KATNAL1: variants seen among roughly 807,000 people sequenced by gnomAD.
The protein encoded by KATNAL1 is katanin p60 ATPase-containing subunit A-like 1.
In KATNAL1, 32 loss-of-function variants were observed where a neutral mutation model predicts 55.2. That is an observed-to-expected ratio of 0.58 (90% CI 0.44 to 0.78). The LOEUF (loss-of-function observed/expected upper bound fraction) is 0.78, where lower values mean the gene tolerates loss of function less well. Ranked by LOEUF, KATNAL1 falls within the 30% of genes least tolerant of loss-of-function variation. The pLI is 0.00. For synonymous variants in KATNAL1, 193 were observed against 193.6 expected (o/e 1.00, Z 0.02); for missense variants, 466 against 600.9 (o/e 0.78, Z 2.35).
At chr13:30,220,737 C>T (rs28442163) in intron 9 of KATNAL1, among the ~76,000 whole-genome samples, 1 of 151,850 alleles carries the variant, frequency 6.6e-6, no homozygotes, top group African/African-American at 2.4e-5. Flanking sequence ...CTCACTCTGT[C>T]ACCCAGGCTG....
chr13:30,216,033 C>T (rs1370509484), intron 9 of KATNAL1, among the ~76,000 whole-genome samples: 1 of 152,092 alleles, frequency 6.6e-6, no homozygotes. Context: ...GAATACCACA[C>T]AGTAACAAAA....
intron 6 of KATNAL1, among the ~76,000 whole-genome samples, chr13:30,236,097 C>T (rs1171493487): frequency 6.6e-6 from 1 of 152,172 alleles, no homozygotes; most frequent in Non-Finnish European, 1.5e-5. Context: ...GTCTTGTTGT[C>T]TCTGGGGCAG....
At chr13:30,263,936 G>T (rs1298252155) in intron 3 of KATNAL1, among the ~76,000 whole-genome samples, 5 of 150,410 alleles carry the variant, frequency 3.3e-5, no homozygotes, top group African/African-American at 1.2e-4. Context: ...TAAGCCAAAA[G>T]AACAAAGCTG....
At chr13:30,287,115 T>C (rs904653004) in intron 1 of KATNAL1, among the ~76,000 whole-genome samples, 1 of 152,216 alleles carries the variant, frequency 6.6e-6, no homozygotes, top group East Asian at 1.9e-4. Context: ...TTTGGACTTT[T>C]GAGTCTGGAA....
At chr13:30,261,283 A>G (rs2137477777) in intron 3 of KATNAL1, among the ~76,000 whole-genome samples, 1 of 152,248 alleles carries the variant, frequency 6.6e-6, no homozygotes, top group Non-Finnish European at 1.5e-5. Flanking sequence ...TGTAAAGACC[A>G]TCGAGACTAG....
chr13:30,271,896 AAAAAC>A (rs1880403893), intron 3 of KATNAL1, among the ~76,000 whole-genome samples: 1 of 151,510 alleles, frequency 6.6e-6, no homozygotes, highest in South Asian at 2.1e-4. Flanking sequence ...AAAAAAAAAA[AAAAAC>A]AGAGTTGTGT....
At chr13:30,209,588 C>T (rs114679060) in intron 10 of KATNAL1, among the ~76,000 whole-genome samples, 6 of 152,190 alleles carry the variant, frequency 3.9e-5, no homozygotes, top group East Asian at 3.8e-4. Context: ...CTTATGATGT[C>T]GCTAAACTGA....
rs138534047 is a variant in KATNAL1, at chr13:30,227,476, C to A, written c.1083G>T (p.Pro361=). ...MVMVLAATNF[P]WDIDEALRRR... ...TTCGCAAAGCTTCATCAATGTCCCA[C>A]GGGAAATTAGTAGCAGCCAATACCA... The change falls in exon 9 of 11, where the codon CCG becomes CCT. Residue 361 remains proline, a synonymous_variant. Coordinates refer to ENST00000380615, the MANE Select transcript of KATNAL1 (RefSeq NM_032116.5). The A allele has an allele frequency of 1.7e-5, 27 of 1,613,406 alleles. No homozygotes were observed. The African/African-American group carries it at 2.8e-4, about 17-fold the overall frequency.
At position 30,210,310 on chromosome 13, in the gene KATNAL1, A is replaced by C; in HGVS notation, c.1274+6T>G. 1 of 1,579,940 alleles carries C rather than the reference A, an allele frequency of 6.3e-7. No homozygotes were observed. Among genetic ancestry groups the C allele is most frequent in the Non-Finnish European group, 8.6e-7 (1 of 1,167,912 alleles). Reference sequence around the variant, plus strand: ...TGTCTAAAATCACAGATCATTAAAAAAATACCTGCAAACATTAGTGATGTC... The same window carrying C: ...TGTCTAAAATCACAGATCATTAAAACAATACCTGCAAACATTAGTGATGTC... On this transcript the variant is annotated splice_donor_region_variant and intron_variant, in intron 10 of 10. Coordinates refer to ENST00000380615, the MANE Select transcript of KATNAL1 (RefSeq NM_032116.5).
chr13:30,303,715 ATATTATCT>A (rs1883005475), intron 1 of KATNAL1, among the ~76,000 whole-genome samples: 1 of 152,260 alleles, frequency 6.6e-6, no homozygotes, highest in South Asian at 2.1e-4. Flanking sequence ...TTGAGCTCTC[ATATTATCT>A]AGTGGAACTT....
rs1355073598 is a variant in KATNAL1 at position 30,204,602 on chromosome 13, TACAAAACA to T, written c.*3930_*3937del. 1 of 152,214 alleles carries T rather than the reference TACAAAACA, an allele frequency of 6.6e-6. No individual in the cohort carries two copies. Among genetic ancestry groups the T allele is most frequent in the East Asian group, 1.9e-4 (1 of 5,204 alleles). The allele number at this position is 152,214 out of a possible 1,614,324, so 9.4% of individuals were successfully genotyped here. A position where few individuals can be genotyped will look rare whatever the true frequency, so the allele number is the denominator to read the frequency against. ...TTTCATGTTCAACAGAGTCAGGCTA[TACAAAACA>T]AAGTCAAAGAATGACAATCATACTG... is the stretch of plus-strand genomic sequence containing the variant. On this transcript the variant is annotated 3_prime_UTR_variant, in exon 11 of 11. Transcript: ENST00000380615.
chr13:30,283,900 G>C (rs1266852940), intron 1 of KATNAL1, 109 bp from the exon 2 acceptor site: 12 of 738,124 alleles, frequency 1.6e-5, no homozygotes, highest in African/African-American at 1.9e-5. Flanking sequence ...TTTTGAAACA[G>C]AGACTCACTT....
At chr13:30,236,826 C>A (rs1006774712) in intron 6 of KATNAL1, among the ~76,000 whole-genome samples, 9 of 152,208 alleles carry the variant, frequency 5.9e-5, no homozygotes, top group Non-Finnish European at 1.3e-4. Context: ...CTGAACTACA[C>A]AAGATTCCTC....
At chr13:30,278,185 G>C (rs866701608) in intron 3 of KATNAL1, among the ~76,000 whole-genome samples, 2 of 150,890 alleles carry the variant, frequency 1.3e-5, no homozygotes, top group Middle Eastern at 3.5e-3. Flanking sequence ...TCTTATTGTT[G>C]TTGATGGTAT....
At position 30,274,892 on chromosome 13, in the gene KATNAL1, C is replaced by CGCGCGCGCGCGT. The variant is rs1555265584; in HGVS notation, c.323+5170_323+5171insACGCGCGCGCGC. Among the ~76,000 whole-genome samples the CGCGCGCGCGCGT allele has an allele frequency of 1.5e-4, 13 of 88,154 alleles. No homozygotes were observed. The East Asian group carries it at 1.6e-3, about 11-fold the overall frequency. The allele number at this position is 88,154 out of a possible 152,430, so 57.8% of individuals were successfully genotyped here. A position where few individuals can be genotyped will look rare whatever the true frequency, so the allele number is the denominator to read the frequency against. ...GGGGCGGGGTGTGTGCACACACATACGCGCGCGCGCGCGCGCACACACACA... is the reference window on the plus strand; with the variant it reads ...GGGGCGGGGTGTGTGCACACACATACGCGCGCGCGCGTGCGCGCGCGCGCGCGCACACACACA... On this transcript the variant is annotated intron_variant, in intron 3 of 10. Coordinates refer to ENST00000380615, the MANE Select transcript of KATNAL1 (RefSeq NM_032116.5).
intron 9 of KATNAL1, among the ~76,000 whole-genome samples, chr13:30,214,341 T>C (rs1375950817): frequency 6.6e-6 from 1 of 152,100 alleles, no homozygotes; most frequent in African/African-American, 2.4e-5. Context: ...AAAATGGCCA[T>C]ACTGCCCAAG....
At chr13:30,303,735 C>CTG (rs976117364) in intron 1 of KATNAL1, among the ~76,000 whole-genome samples, 5 of 152,184 alleles carry the variant, frequency 3.3e-5, no homozygotes, top group African/African-American at 1.2e-4. Context: ...GTGGAACTTC[C>CTG]TGTTTCTTTG....
At chr13:30,234,307 A>G (rs1251718042) in intron 6 of KATNAL1, among the ~76,000 whole-genome samples, 3 of 152,184 alleles carry the variant, frequency 2.0e-5, no homozygotes, top group African/African-American at 4.8e-5. Context: ...CTCACAGCCA[A>G]CCTTCAATGG....
At chr13:30,249,247 A>T (rs563336283) in intron 4 of KATNAL1, among the ~76,000 whole-genome samples, 1 of 151,970 alleles carries the variant, frequency 6.6e-6, no homozygotes, top group South Asian at 2.1e-4. Context: ...AAAAAAAAAG[A>T]CTGACAACAT....
Sources: allele counts gnomAD v4.1 joint callset (sites outside exome capture counted in the v4.1 genomes callset), GRCh38; gene constraint gnomAD v4.1.1; transcripts MANE v1.5; gene names NCBI Gene and HGNC (gene_info 2026-07-23, HGNC 2026-07-21).